Variants in PRDM5 observed in about 807,000 individuals in gnomAD.
PRDM5 encodes the protein PR domain zinc finger protein 5.
Under a neutral mutation model 81.2 loss-of-function variants are expected in PRDM5, and 56 were observed. The ratio of observed to expected loss-of-function variants is 0.69; its 90% CI spans 0.56 to 0.86. The LOEUF (loss-of-function observed/expected upper bound fraction) is 0.86, where lower values mean the gene tolerates loss of function less well. Among genes scored for constraint, PRDM5 ranks in the 40% least tolerant of loss-of-function variants. The pLI is 0.00. For synonymous variants in PRDM5, 267 were observed against 256.4 expected (o/e 1.04, Z -0.39); for missense variants, 697 against 770.1 (o/e 0.91, Z 1.12).
chr4:120,716,883 G>C (rs1434657004), intron 14 of PRDM5, among the ~76,000 whole-genome samples: 1 of 151,998 alleles, frequency 6.6e-6, no homozygotes, highest in African/African-American at 2.4e-5. Flanking sequence ...CTTTCTCAGA[G>C]AGTAAACCCT....
chr4:120,699,571 C>T (rs1046592867), intron 15 of PRDM5, among the ~76,000 whole-genome samples: 1 of 152,114 alleles, frequency 6.6e-6, no homozygotes, highest in Admixed American at 6.6e-5. Flanking sequence ...TGTGATACTG[C>T]ACCTCATAAG....
At chr4:120,858,734 C>T (rs1760200462) in intron 2 of PRDM5, among the ~76,000 whole-genome samples, 1 of 152,162 alleles carries the variant, frequency 6.6e-6, no homozygotes, top group African/African-American at 2.4e-5. Context: ...AGAGGAAATA[C>T]AGGCATTTAC....
At chr4:120,725,955 A>G (rs560729242) in intron 14 of PRDM5, among the ~76,000 whole-genome samples, 76 of 152,232 alleles carry the variant, frequency 5.0e-4, no homozygotes, top group African/African-American at 1.8e-3. Context: ...TGGCAGAACA[A>G]GCTTAGTTAC....
chr4:120,745,510 G>C (rs1275342862), intron 14 of PRDM5, among the ~76,000 whole-genome samples: 4 of 150,870 alleles, frequency 2.7e-5, no homozygotes, highest in East Asian at 3.9e-4. Flanking sequence ...TTGCAGATGA[G>C]ATGATTGTAT....
intron 15 of PRDM5, among the ~76,000 whole-genome samples, chr4:120,696,583 A>C (rs13152087): frequency 0.17 from 26,253 of 152,144 alleles, 2,594 homozygotes; most frequent in Non-Finnish European, 0.24. Flanking sequence ...TGCCTTTTAA[A>C]TTTAGTTTCC....
chr4:120,887,666 T>C (rs1015893584), intron 2 of PRDM5, among the ~76,000 whole-genome samples: 10 of 152,214 alleles, frequency 6.6e-5, no homozygotes, highest in Non-Finnish European at 1.3e-4. Flanking sequence ...TTGTCATCTC[T>C]GCTACAATCT....
At chr4:120,792,743 C>T (rs1302077005) in intron 10 of PRDM5, among the ~76,000 whole-genome samples, 1 of 152,084 alleles carries the variant, frequency 6.6e-6, no homozygotes, top group Non-Finnish European at 1.5e-5. Context: ...AGAAAGAAAT[C>T]CTGTCATTTT....
chr4:120,839,633 A>G (rs1757760170), intron 3 of PRDM5, among the ~76,000 whole-genome samples: 1 of 152,142 alleles, frequency 6.6e-6, no homozygotes, highest in African/African-American at 2.4e-5. Context: ...ACAAGTTCCC[A>G]TTCTGGTCGA....
At chr4:120,723,395 TGAAA>T (rs1738904973) in intron 14 of PRDM5, among the ~76,000 whole-genome samples, 1 of 152,214 alleles carries the variant, frequency 6.6e-6, no homozygotes, top group Admixed American at 6.5e-5. Context: ...GCTGGTTAAG[TGAAA>T]GAGTGTTATT....
chr4:120,902,954 C>T (rs998278711), intron 2 of PRDM5, among the ~76,000 whole-genome samples: 1 of 152,200 alleles, frequency 6.6e-6, no homozygotes, highest in African/African-American at 2.4e-5. Context: ...GAGGCTCAAT[C>T]CTGACTGGTA....
At chr4:120,802,556 G>A (rs930693744) in intron 8 of PRDM5, among the ~76,000 whole-genome samples, 1 of 152,206 alleles carries the variant, frequency 6.6e-6, no homozygotes, top group African/African-American at 2.4e-5. Context: ...AGCAATATTC[G>A]CTGTTGTGCA....
intron 15 of PRDM5, among the ~76,000 whole-genome samples, chr4:120,695,540 G>A (rs191588331): frequency 1.3e-5 from 2 of 152,090 alleles, no homozygotes; most frequent in African/African-American, 2.4e-5. Context: ...ATGCTTTACG[G>A]TCTAGATGGC....
chr4:120,782,233 GA>G (rs1358882528), intron 11 of PRDM5, among the ~76,000 whole-genome samples: 2 of 152,082 alleles, frequency 1.3e-5, no homozygotes, highest in Non-Finnish European at 2.9e-5. Context: ...ACTAGTATTT[GA>G]ATATAATTTC....
intron 4 of PRDM5, among the ~76,000 whole-genome samples, chr4:120,820,141 G>GT (rs1243838450): frequency 6.6e-6 from 1 of 152,212 alleles, no homozygotes; most frequent in African/African-American, 2.4e-5. Context: ...GTATTAAGAG[G>GT]TGGGCCCTTT....
At chr4:120,838,097 A>G (rs1406415200) in intron 3 of PRDM5, 2 of 152,214 alleles carry the variant, frequency 1.3e-5, no homozygotes, top group Admixed American at 6.5e-5. Flanking sequence ...TCTACTTTCT[A>G]GACTTCTGTT....
chr4:120,803,797 A>T (rs748981056), intron 8 of PRDM5, among the ~76,000 whole-genome samples: 1 of 152,206 alleles, frequency 6.6e-6, no homozygotes, highest in Non-Finnish European at 1.5e-5. Context: ...TGCATCAACT[A>T]ACGAGCAAAA....
At chr4:120,921,865 T>TA (rs976326279) in intron 1 of PRDM5, among the ~76,000 whole-genome samples, 191 of 144,062 alleles carry the variant, frequency 1.3e-3, no homozygotes, top group Middle Eastern at 3.5e-3. Flanking sequence ...GGAGACAAAT[T>TA]AAAAAAAAAA....
Position 120,777,915 on chromosome 4 carries a change from T to C in PRDM5, c.1444-634A>G, listed in dbSNP as rs1386660231. 1.4e-4 allele frequency among the ~76,000 whole-genome samples: 22 copies of C among 152,036 alleles called. 1 individual carries two copies. The highest frequency in any genetic ancestry group is 2.8e-4 in the Non-Finnish European group (19 of 67,998). On this transcript the variant is annotated intron_variant, in intron 12 of 15. Transcript: ENST00000264808. Reference sequence around the variant, plus strand: ...ATAGTTAAAAGCAAGTTTCGATAAATGCTGGAGAGTTCAAAGAGAAAGGAG... The same window carrying C: ...ATAGTTAAAAGCAAGTTTCGATAAACGCTGGAGAGTTCAAAGAGAAAGGAG...
intron 11 of PRDM5, among the ~76,000 whole-genome samples, chr4:120,784,499 G>C (rs1749478875): frequency 6.6e-6 from 1 of 152,082 alleles, no homozygotes; most frequent in African/African-American, 2.4e-5. Flanking sequence ...GTGAAATCTT[G>C]AGTATGTCAT....
Sources: allele counts gnomAD v4.1 joint callset (sites outside exome capture counted in the v4.1 genomes callset), GRCh38; gene constraint gnomAD v4.1.1; transcripts MANE v1.5; gene names NCBI Gene and HGNC (gene_info 2026-07-23, HGNC 2026-07-21).